PCNX2: variants seen among roughly 807,000 people sequenced by gnomAD.
PCNX2 encodes pecanex-like protein 2.
Under a neutral mutation model 223.8 loss-of-function variants are expected in PCNX2, and 168 were observed. That is an observed-to-expected ratio of 0.75 (90% CI 0.66 to 0.85). PCNX2 has a LOEUF of 0.85. Among genes scored for constraint, PCNX2 ranks in the 40% least tolerant of loss-of-function variants. The pLI is 0.00. For synonymous variants in PCNX2, 1,006 were observed against 1,052.6 expected (o/e 0.96, Z 0.86); for missense variants, 2,507 against 2,675.5 (o/e 0.94, Z 1.39).
At chr1:233,239,720 C>T (rs180725509) in intron 8 of PCNX2, among the ~76,000 whole-genome samples, 15 of 152,186 alleles carry the variant, frequency 9.9e-5, no homozygotes, top group Non-Finnish European at 1.9e-4. Flanking sequence ...TCATAACCAT[C>T]CCTGGCCCTT....
At chr1:233,298,061 G>C (rs1480260368), upstream of PCNX2, among the ~76,000 whole-genome samples, 1 of 152,106 alleles carries the variant, frequency 6.6e-6, no homozygotes, top group African/African-American at 2.4e-5. Context: ...ATCAGGGAGA[G>C]AATGTTTCTG....
intron 1 of PCNX2, chr1:233,289,363 C>T: frequency 8.3e-7 from 1 of 1,199,462 alleles, no homozygotes; most frequent in Non-Finnish European, 1.2e-6. Flanking sequence ...ATCTCCAGCT[C>T]CAGAAGAGCC....
In PCNX2 at chr1:233,160,451, A is replaced by G. The variant is rs762910815; in HGVS notation, c.3367-18T>C. ...AGAAATGGCTGCGATAAAAATGGGC[A>G]GAATCTCATTACTTAGCCTAGAGGA... On this transcript the variant is annotated intron_variant, in intron 18 of 33. Transcript: ENST00000258229. 5 of 1,611,294 alleles carry G rather than the reference A, an allele frequency of 3.1e-6. No individual in the cohort carries two copies. The highest frequency in any genetic ancestry group is 4.2e-6 in the Non-Finnish European group (5 of 1,177,700).
chr1:233,057,639 G>A, intron 23 of PCNX2: 1 of 189,070 alleles, frequency 5.3e-6, no homozygotes. Flanking sequence ...GGAGGCTGAG[G>A]CAGGCAGATC....
In PCNX2 at chr1:233,230,658, G is replaced by A. The variant is rs74490211; in HGVS notation, c.2359-3287C>T. Among the ~76,000 whole-genome samples the A allele has an allele frequency of 1.2e-4, 18 of 152,254 alleles. 1 individual carries two copies. The East Asian group carries it at 3.1e-3, about 26-fold the overall frequency. ...TTCTGAGAAAGAGCTTAGGAAAAGC[G>A]AGGACAAAGGAAAGGATAAAAGTTG... On this transcript the variant is annotated intron_variant, in intron 9 of 33. Coordinates refer to ENST00000258229, the MANE Select transcript of PCNX2 (RefSeq NM_014801.4).
rs557117982 is a variant in PCNX2, at chr1:233,111,722, G to A, written c.3838-15859C>T. Reference sequence around the variant, plus strand: ...CTCAGCCCCAAATTATTTTTTATATGTCTGTCTCTCCTGCATCCCCCATTA... The same window carrying A: ...CTCAGCCCCAAATTATTTTTTATATATCTGTCTCTCCTGCATCCCCCATTA... On this transcript the variant is annotated intron_variant, in intron 21 of 33. Transcript: ENST00000258229. 3.9e-5 allele frequency among the ~76,000 whole-genome samples: 6 copies of A among 152,260 alleles called. No homozygotes were observed. In the East Asian group the frequency reaches 1.2e-3, roughly 29 times the overall value.
intron 2 of PCNX2, 30 bp downstream of exon 2, chr1:233,262,928 T>G (rs773892078): frequency 3.8e-6 from 6 of 1,597,260 alleles, no homozygotes; most frequent in Non-Finnish European, 5.1e-6. Context: ...CATTTACATT[T>G]TGAAGTGTCA....
chr1:233,150,107 G>A (rs1021571723), intron 19 of PCNX2, among the ~76,000 whole-genome samples: 18 of 152,204 alleles, frequency 1.2e-4, no homozygotes, highest in African/African-American at 2.6e-4. Flanking sequence ...GGCCAGGACC[G>A]TCCTTCTCAG....
chr1:233,146,453 ATC>A (rs1355900291), intron 19 of PCNX2, among the ~76,000 whole-genome samples: 1 of 152,208 alleles, frequency 6.6e-6, no homozygotes, highest in Non-Finnish European at 1.5e-5. Flanking sequence ...TCCTATTTTA[ATC>A]TCTCATAAAG....
chr1:233,070,104 A>G (rs1386706837), intron 23 of PCNX2, among the ~76,000 whole-genome samples: 2 of 152,146 alleles, frequency 1.3e-5, no homozygotes, highest in African/African-American at 2.4e-5. Context: ...GAATTTTACA[A>G]CCTTGATGAA....
the PCNX2 span, among the ~76,000 whole-genome samples, chr1:233,325,973 C>T: frequency 1.3e-5 from 2 of 152,170 alleles, no homozygotes; most frequent in Non-Finnish European, 2.9e-5. Context: ...TAAGAATTTG[C>T]CATAGCCACT....
intron 28 of PCNX2, among the ~76,000 whole-genome samples, chr1:233,007,998 G>C (rs143977470): frequency 7.6e-4 from 115 of 152,198 alleles, no homozygotes; most frequent in African/African-American, 2.5e-3. Context: ...CTTCTTAAAG[G>C]CCTTCTCAGC....
At chr1:233,228,178 T>C (rs1657857295) in intron 9 of PCNX2, among the ~76,000 whole-genome samples, 1 of 152,140 alleles carries the variant, frequency 6.6e-6, no homozygotes, top group African/African-American at 2.4e-5. Context: ...ACATCCCACC[T>C]GTGTTTTGTT....
chr1:233,135,298 A>G, intron 20 of PCNX2, 108 bp from the exon 21 acceptor site: 3 of 1,214,110 alleles, frequency 2.5e-6, no homozygotes, highest in Non-Finnish European at 2.3e-6. Flanking sequence ...AGAACTTTAC[A>G]GGCACAAAAA....
chr1:233,124,903 T>C (rs1208591665), intron 21 of PCNX2, among the ~76,000 whole-genome samples: 1 of 152,218 alleles, frequency 6.6e-6, no homozygotes, highest in South Asian at 2.1e-4. Flanking sequence ...GTTGTGATTG[T>C]AGAGTTTTCC....
intron 23 of PCNX2, among the ~76,000 whole-genome samples, chr1:233,071,290 A>G (rs1455346033): frequency 1.3e-5 from 2 of 151,886 alleles, no homozygotes; most frequent in East Asian, 3.9e-4. Flanking sequence ...CCCATTAGCT[A>G]TTTTTCCTGA....
chr1:233,133,925 T>C (rs1676656016), intron 21 of PCNX2, among the ~76,000 whole-genome samples: 1 of 152,060 alleles, frequency 6.6e-6, no homozygotes, highest in Non-Finnish European at 1.5e-5. Flanking sequence ...TGGTGGGAAT[T>C]ACTTATGAGG....
intron 1 of PCNX2, chr1:233,288,920 G>A (rs1661598774): frequency 2.1e-6 from 3 of 1,463,278 alleles, no homozygotes; most frequent in Non-Finnish European, 2.8e-6. Context: ...GCTTCTTATA[G>A]ACACCAGAAA....
chr1:233,308,885 A>G, the PCNX2 span, among the ~76,000 whole-genome samples: 1 of 152,232 alleles, frequency 6.6e-6, no homozygotes, highest in Non-Finnish European at 1.5e-5. Context: ...AAATGACACA[A>G]AATATGTTGG....
Sources: allele counts gnomAD v4.1 joint callset (sites outside exome capture counted in the v4.1 genomes callset), GRCh38; gene constraint gnomAD v4.1.1; transcripts MANE v1.5; gene names NCBI Gene and HGNC (gene_info 2026-07-23, HGNC 2026-07-21).